NCAM2: variants seen among roughly 807,000 people sequenced by gnomAD.
NCAM2 encodes N-CAM-2.
NCAM2 carries 30 observed loss-of-function variants against 98.1 expected under a neutral mutation model. That is an observed-to-expected ratio of 0.31 (90% CI 0.23 to 0.41). The LOEUF (loss-of-function observed/expected upper bound fraction) is 0.41. NCAM2 is among the 10% of genes least tolerant of loss of function. NCAM2 has a pLI of 1.00. For synonymous variants in NCAM2, 368 were observed against 342.4 expected (o/e 1.07, Z -0.83); for missense variants, 867 against 1,005.8 (o/e 0.86, Z 1.87).
intron 5 of NCAM2, among the ~76,000 whole-genome samples, chr21:21,306,067 C>T (rs2073870006): frequency 6.6e-6 from 1 of 152,094 alleles, no homozygotes; most frequent in Non-Finnish European, 1.5e-5. Context: ...ATAGTTCTGT[C>T]ATGAATTTCT....
intron 9 of NCAM2, among the ~76,000 whole-genome samples, chr21:21,402,988 C>G (rs1242108645): frequency 6.6e-6 from 1 of 152,046 alleles, no homozygotes; most frequent in African/African-American, 2.4e-5. Flanking sequence ...TTTGTAATAG[C>G]CTTTGTAACT....
intron 11 of NCAM2, among the ~76,000 whole-genome samples, chr21:21,429,785 C>G (rs997744676): frequency 1.8e-4 from 27 of 152,038 alleles, no homozygotes; most frequent in African/African-American, 5.8e-4. Context: ...GTGTTTGAAC[C>G]TTAGAGTTGT....
chr21:21,447,086 A>G (rs1980283380), intron 12 of NCAM2, among the ~76,000 whole-genome samples: 1 of 152,184 alleles, frequency 6.6e-6, no homozygotes, highest in East Asian at 1.9e-4. Context: ...AAGACCCTGT[A>G]TAACCAAGAC....
Position 21,490,803 on chromosome 21 carries a change from GA to G in NCAM2, c.2077+13340del, listed in dbSNP as rs541688394. ...CGTTTTCATCATAGCTTGTTTTCTT[GA>G]AAAAAAAGTATGCTATAAGTGTATT... On this transcript the variant is annotated intron_variant, in intron 15 of 17. Coordinates refer to ENST00000400546, the MANE Select transcript of NCAM2 (RefSeq NM_004540.5). Among the ~76,000 whole-genome samples, 6 of 150,970 alleles carry G rather than the reference GA, an allele frequency of 4.0e-5. No individual in the cohort carries two copies. The South Asian group carries it at 6.3e-4, about 16-fold the overall frequency.
intron 5 of NCAM2, among the ~76,000 whole-genome samples, chr21:21,307,076 A>C (rs1346384903): frequency 1.3e-5 from 2 of 152,054 alleles, no homozygotes; most frequent in African/African-American, 4.8e-5. Context: ...TGGTTTTTTA[A>C]TCCATTCTGA....
At chr21:21,174,409 GA>G (rs1006284464) in intron 1 of NCAM2, among the ~76,000 whole-genome samples, 2 of 152,040 alleles carry the variant, frequency 1.3e-5, no homozygotes, top group Non-Finnish European at 2.9e-5. Flanking sequence ...ATATTTCTAG[GA>G]AAAAATATTA....
intron 7 of NCAM2, among the ~76,000 whole-genome samples, chr21:21,336,420 T>TG (rs971793189): frequency 5.0e-4 from 32 of 63,394 alleles, no homozygotes; most frequent in African/African-American, 1.9e-3. Context: ...TGTTGTGGGG[T>TG]GGGGGGAGTG....
At chr21:21,282,730 AT>A (rs2072971814) in intron 2 of NCAM2, among the ~76,000 whole-genome samples, 1 of 151,832 alleles carries the variant, frequency 6.6e-6, no homozygotes, top group African/African-American at 2.4e-5. Flanking sequence ...TTATAACTAC[AT>A]TTAAGAAAAT....
intron 1 of NCAM2, among the ~76,000 whole-genome samples, chr21:21,084,662 A>G (rs2065873422): frequency 6.6e-6 from 1 of 152,190 alleles, no homozygotes; most frequent in Non-Finnish European, 1.5e-5. Context: ...TGCATGTCAT[A>G]TATATGGATT....
rs762470702 is a variant in NCAM2 at position 21,292,217 on chromosome 21, C to T, written c.595C>T (p.Arg199Cys). The T allele has an allele frequency of 6.8e-6, 11 of 1,608,524 alleles. No homozygotes were observed. Among genetic ancestry groups the T allele is most frequent in the South Asian group, 4.4e-5 (4 of 90,494 alleles). ...RVEARGEIDF[R>C]DIIVIVNVPP... ...GGAGGCCAGGGGAGAAATTGACTTC[C>T]GTGATATCATTGTTATTGTTAATGG... The change falls in exon 5 of 18, where the codon CGT (arginine) becomes TGT (cysteine). Residue 199 changes from arginine (R) to cysteine (C), a missense_variant. This residue lies in a region of NCAM2 where 447 missense variants were observed against 495.7 expected (regional missense o/e 0.90). Coordinates refer to ENST00000400546, the MANE Select transcript of NCAM2 (RefSeq NM_004540.5).
intron 1 of NCAM2, among the ~76,000 whole-genome samples, chr21:21,266,706 C>T (rs1197920636): frequency 1.3e-5 from 2 of 151,668 alleles, no homozygotes; most frequent in African/African-American, 2.4e-5. Flanking sequence ...GAACATCACA[C>T]ACCGGGGCCT....
chr21:21,389,254 G>C (rs947433767), intron 9 of NCAM2, among the ~76,000 whole-genome samples: 3 of 152,088 alleles, frequency 2.0e-5, no homozygotes, highest in South Asian at 2.1e-4. Flanking sequence ...GTGTGTGCAC[G>C]GGAATTCCCT....
chr21:21,343,265 G>T (rs1234380315), intron 8 of NCAM2, among the ~76,000 whole-genome samples: 1 of 151,702 alleles, frequency 6.6e-6, no homozygotes, highest in Non-Finnish European at 1.5e-5. Flanking sequence ...CAATCTAGAG[G>T]TGTGGGAGGG....
At chr21:21,241,337 A>G (rs1049506498) in intron 1 of NCAM2, among the ~76,000 whole-genome samples, 1 of 112 alleles carries the variant, frequency 8.9e-3, no homozygotes, top group African/African-American at 0.028. Context: ...AATTATTCTA[A>G]ATGAGAAAAC....
chr21:21,338,514 A>G lies in NCAM2; in HGVS notation c.1024A>G (p.Thr342Ala). The G allele has an allele frequency of 6.2e-7, 1 of 1,611,032 alleles. No individual in the cohort carries two copies. Among genetic ancestry groups the G allele is most frequent in the South Asian group, 1.1e-5 (1 of 90,762 alleles). ...TTGGAAAAGAGCTGTGGATGGCTTC[A>G]CGTTCACTGAAGGCGATAAGGTAAC... is the stretch of plus-strand genomic sequence containing the variant. ...ITWKRAVDGFTFTEGDKSLDG... is the reference protein window; with the variant it reads ...ITWKRAVDGFAFTEGDKSLDG... The change falls in exon 8 of 18, where the codon ACG becomes GCG. Residue 342 changes from threonine (T) to alanine (A), a missense_variant. Transcript: ENST00000400546.
intron 1 of NCAM2, among the ~76,000 whole-genome samples, chr21:21,134,832 G>GCC (rs1258793943): frequency 6.6e-6 from 1 of 151,188 alleles, no homozygotes; most frequent in African/African-American, 2.4e-5. Context: ...TCCCACCTCA[G>GCC]CCTCCTCAGC....
chr21:21,511,891 T>C (rs760012806), intron 16 of NCAM2, among the ~76,000 whole-genome samples: 1 of 152,056 alleles, frequency 6.6e-6, no homozygotes. Flanking sequence ...TTGTATGTTG[T>C]CTTTTGAGAG....
intron 1 of NCAM2, among the ~76,000 whole-genome samples, chr21:21,277,508 A>T (rs928177940): frequency 6.6e-6 from 1 of 152,118 alleles, no homozygotes; most frequent in Non-Finnish European, 1.5e-5. Context: ...GGTTGTATAG[A>T]AAAAGGAGAT....
At chr21:21,521,212 G>T (rs950894021) in intron 16 of NCAM2, among the ~76,000 whole-genome samples, 4 of 152,080 alleles carry the variant, frequency 2.6e-5, no homozygotes, top group Non-Finnish European at 5.9e-5. Flanking sequence ...GCTGTGGGAG[G>T]ATCTGAGAAA....
Sources: gnomAD v4.1 joint callset for allele counts (sites outside exome capture counted in the v4.1 genomes callset) on GRCh38, gnomAD v4.1.1 for gene constraint, gnomAD v4.1.1 regional missense constraint, MANE v1.5 for transcripts, NCBI Gene and HGNC (gene_info 2026-07-23, HGNC 2026-07-21) for gene names.